PSMA6: variants seen among roughly 807,000 people sequenced by gnomAD.
The protein encoded by PSMA6 is proteasome subunit alpha type-6.
For synonymous variants in PSMA6, 88 were observed against 97.7 expected, an observed-to-expected ratio of 0.90 and a Z score of 0.59; for missense variants, 170 against 294.8, an observed-to-expected ratio of 0.58 and a Z score of 3.10.
chr14:35,303,411 G>A (rs11848312), intron 1 of PSMA6, among the ~76,000 whole-genome samples: 13,538 of 152,078 alleles, frequency 0.089, 1,007 homozygotes, highest in African/African-American at 0.18. Context: ...GGCAGCTATT[G>A]TTACCCCAAA....
At position 35,317,241 on chromosome 14, in the gene PSMA6, C is replaced by A. The variant is rs767868254; in HGVS notation, c.684-8C>A. On this transcript the variant is annotated splice_region_variant and splice_polypyrimidine_tract_variant and intron_variant, in intron 6 of 6. Transcript: ENST00000261479. ...AATCGTTGTTTTTTTCCCCCTTTTG[C>A]CTTCTAGGATTCTTACAGAAGCAGA... 62 of 1,611,576 alleles carry A rather than the reference C, an allele frequency of 3.8e-5. No individual in the cohort carries two copies. The South Asian group carries it at 6.7e-4, about 17-fold the overall frequency.
At chr14:35,290,391 GA>G, upstream of PSMA6, among the ~76,000 whole-genome samples, 1 of 152,318 alleles carries the variant, frequency 6.6e-6, no homozygotes, top group Non-Finnish European at 1.5e-5. Context: ...ACCTGAACCA[GA>G]AGCAAGGGAA....
At chr14:35,316,680 A>G in intron 6 of PSMA6, 1 of 152,402 alleles carries the variant, frequency 6.6e-6, no homozygotes, top group East Asian at 1.9e-4. Flanking sequence ...AGCCTGTCCA[A>G]TATGGTGAAA....
chr14:35,309,519 C>T (rs1369653152), intron 3 of PSMA6, among the ~76,000 whole-genome samples: 1 of 152,110 alleles, frequency 6.6e-6, no homozygotes, highest in South Asian at 2.1e-4. Context: ...GGGCTGGTCA[C>T]GGTGGCTCAC....
chr14:35,289,334 ATT>A (rs113555975), upstream of PSMA6, among the ~76,000 whole-genome samples: 1 of 146,674 alleles, frequency 6.8e-6, no homozygotes, highest in African/African-American at 2.5e-5. Flanking sequence ...CAAATTTATG[ATT>A]TTTTTTTTTT....
chr14:35,304,025 T>A (rs920416676), intron 1 of PSMA6, among the ~76,000 whole-genome samples: 2 of 151,448 alleles, frequency 1.3e-5, no homozygotes, highest in African/African-American at 4.9e-5. Flanking sequence ...CAGGCTGGAG[T>A]GTAGTGGTGC....
chr14:35,283,363 C>T (rs878855521), intron 1 of PSMA6, among the ~76,000 whole-genome samples: 5 of 64,868 alleles, frequency 7.7e-5, no homozygotes, highest in South Asian at 4.5e-4. Context: ...CCTATCTCTA[C>T]AAAAAAAAAA....
upstream of PSMA6, chr14:35,292,197 C>A: frequency 1.3e-6 from 1 of 790,688 alleles, no homozygotes; most frequent in Non-Finnish European, 1.7e-6. Context: ...CCTGAAAGCG[C>A]CACGACCCAA....
intron 1 of PSMA6, among the ~76,000 whole-genome samples, chr14:35,303,408 A>G (rs577008685): frequency 5.3e-5 from 8 of 152,192 alleles, no homozygotes; most frequent in African/African-American, 7.2e-5. Flanking sequence ...TCTGGCAGCT[A>G]TTGTTACCCC....
At chr14:35,298,341 T>A (rs1212835287) in intron 1 of PSMA6, among the ~76,000 whole-genome samples, 1 of 151,836 alleles carries the variant, frequency 6.6e-6, no homozygotes, top group Non-Finnish European at 1.5e-5. Flanking sequence ...AATACAAAAA[T>A]TAGCTGGGTG....
intron 1 of PSMA6, among the ~76,000 whole-genome samples, chr14:35,302,840 TC>T (rs1374782327): frequency 6.6e-6 from 1 of 152,330 alleles, no homozygotes; most frequent in East Asian, 1.9e-4. Flanking sequence ...ATTTTTCAGT[TC>T]TACAATTTCC....
chr14:35,305,146 CT>C (rs57226520), intron 1 of PSMA6, among the ~76,000 whole-genome samples: 1,606 of 143,790 alleles, frequency 0.011, 23 homozygotes, highest in South Asian at 0.06. Flanking sequence ...TCTTTTGTTT[CT>C]TTTTTTTTTT....
chr14:35,294,040 TTTTA>T lies in PSMA6; in HGVS notation c.76+1496_76+1499del, dbSNP rs199727543. On this transcript the variant is annotated intron_variant, in intron 1 of 6. Coordinates refer to ENST00000261479, the MANE Select transcript of PSMA6 (RefSeq NM_002791.3). ...AGTTCATTATCTAGACAGAATGATT[TTTTA>T]TTTATTTTTATTTTTTTGAGACAGA... is the stretch of plus-strand genomic sequence containing the variant. Among the ~76,000 whole-genome samples, 1,073 of 152,310 alleles carry T rather than the reference TTTTA, an allele frequency of 7.0e-3. 17 individuals carry two copies. The highest frequency in any genetic ancestry group is 0.024 in the African/African-American group (980 of 41,556).
chr14:35,292,697 T>C (rs2051508657), intron 1 of PSMA6, 145 bp downstream of exon 1: 7 of 1,414,476 alleles, frequency 4.9e-6, no homozygotes, highest in African/African-American at 1.4e-5. Context: ...TGGATTGAGC[T>C]CTGTGGTGTT....
chr14:35,309,255 A>G (rs951537446), intron 3 of PSMA6, among the ~76,000 whole-genome samples: 6 of 151,872 alleles, frequency 4.0e-5, no homozygotes, highest in Non-Finnish European at 8.8e-5. Context: ...AGATGATTTT[A>G]TCTTATTTCA....
chr14:35,292,234 C>G (rs1168114905), upstream of PSMA6: 10 of 1,227,774 alleles, frequency 8.1e-6, no homozygotes, highest in Admixed American at 3.8e-5. Flanking sequence ...CTCAAGAGGC[C>G]TGCTTGGCGC....
intron 1 of PSMA6, among the ~76,000 whole-genome samples, chr14:35,294,977 A>G (rs1315298328): frequency 1.3e-5 from 2 of 152,206 alleles, no homozygotes; most frequent in African/African-American, 4.8e-5. Context: ...TATCTTCCAT[A>G]CTTGGGACTC....
intron 5 of PSMA6, 64 bp downstream of exon 5, chr14:35,313,123 AT>A: frequency 7.4e-7 from 1 of 1,359,698 alleles, no homozygotes. Context: ...TCTTTGTATA[AT>A]TTCTATACAA....
At chr14:35,314,663 C>A in intron 6 of PSMA6, 1 of 461,684 alleles carries the variant, frequency 2.2e-6, no homozygotes. Flanking sequence ...CTCCTTATTT[C>A]AGAGTGATTT....
Sources: allele counts gnomAD v4.1 joint callset (sites outside exome capture counted in the v4.1 genomes callset), GRCh38; gene constraint gnomAD v4.1.1; transcripts MANE v1.5; gene names NCBI Gene and HGNC (gene_info 2026-07-23, HGNC 2026-07-21).